The following THSD7A variants were observed in gnomAD, a reference collection of about 807,000 sequenced individuals.
THSD7A encodes the protein thrombospondin type-1 domain-containing protein 7A.
A neutral mutation model predicts 231.3 loss-of-function variants in THSD7A; 96 were observed. The ratio of observed to expected loss-of-function variants is 0.41; its 90% CI spans 0.35 to 0.49. The LOEUF (loss-of-function observed/expected upper bound fraction) is 0.49, where lower values mean the gene tolerates loss of function less well. THSD7A is among the 20% of genes least tolerant of loss of function. The pLI is 0.05. For missense variants in THSD7A, 2,290 were observed against 2,070.2 expected (o/e 1.11, Z -2.06); for synonymous variants, 940 against 743.3 (o/e 1.26, Z -4.30).
chr7:11,584,439 T>A (rs1449796262), intron 4 of THSD7A, among the ~76,000 whole-genome samples: 1 of 152,154 alleles, frequency 6.6e-6, no homozygotes, highest in African/African-American at 2.4e-5. Flanking sequence ...TTTCTACCTT[T>A]TTCCCCAAAC....
chr7:11,482,732 G>A (rs574108540), intron 6 of THSD7A, among the ~76,000 whole-genome samples: 1 of 152,284 alleles, frequency 6.6e-6, no homozygotes, highest in Non-Finnish European at 1.5e-5. Flanking sequence ...TGACCTCGCT[G>A]TGTTTCTCTT....
At chr7:11,824,957 T>C (rs1784981795) in intron 1 of THSD7A, among the ~76,000 whole-genome samples, 1 of 152,256 alleles carries the variant, frequency 6.6e-6, no homozygotes, top group South Asian at 2.1e-4. Flanking sequence ...TAACCCTAAA[T>C]TTGGTGCTCA....
intron 6 of THSD7A, among the ~76,000 whole-genome samples, chr7:11,490,794 C>T (rs1263367108): frequency 6.6e-6 from 1 of 152,022 alleles, no homozygotes; most frequent in Non-Finnish European, 1.5e-5. Flanking sequence ...TTCCCACTTA[C>T]CACTAATGTG....
At chr7:11,395,453 A>G (rs935104381) in intron 23 of THSD7A, among the ~76,000 whole-genome samples, 8 of 152,170 alleles carry the variant, frequency 5.3e-5, no homozygotes. Flanking sequence ...ACTTGAACTA[A>G]GCTGTGGACC....
intron 15 of THSD7A, among the ~76,000 whole-genome samples, chr7:11,425,062 C>G (rs1030046098): frequency 2.6e-5 from 4 of 152,126 alleles, no homozygotes; most frequent in Non-Finnish European, 5.9e-5. Flanking sequence ...TAAATCTGAT[C>G]CACTGGATCA....
intron 4 of THSD7A, among the ~76,000 whole-genome samples, chr7:11,580,932 A>AAAAATTT (rs1242344382): frequency 1.3e-5 from 2 of 152,166 alleles, no homozygotes; most frequent in African/African-American, 4.8e-5. Context: ...TTATATCTTC[A>AAAAATTT]ACATCTAAAT....
chr7:11,608,878 G>A (rs1780826042), intron 2 of THSD7A, among the ~76,000 whole-genome samples: 1 of 152,048 alleles, frequency 6.6e-6, no homozygotes. Context: ...TGCTGCACAT[G>A]TTTCCTATTT....
At chr7:11,807,456 G>A (rs1784427721) in intron 1 of THSD7A, among the ~76,000 whole-genome samples, 1 of 151,966 alleles carries the variant, frequency 6.6e-6, no homozygotes, top group Non-Finnish European at 1.5e-5. Context: ...GTAAAACCCT[G>A]CTTTCTTACA....
intron 2 of THSD7A, among the ~76,000 whole-genome samples, chr7:11,604,416 A>T (rs1287585076): frequency 2.6e-5 from 4 of 152,064 alleles, no homozygotes; most frequent in African/African-American, 7.2e-5. Flanking sequence ...GCAGAGGTCC[A>T]CTCTATCTAT....
chr7:11,527,199 T>C (rs773499225), intron 6 of THSD7A, among the ~76,000 whole-genome samples: 1 of 152,150 alleles, frequency 6.6e-6, no homozygotes, highest in Non-Finnish European at 1.5e-5. Flanking sequence ...AAAATTATTG[T>C]ATATAGTTCT....
chr7:11,796,638 T>C (rs1441097449), intron 1 of THSD7A, among the ~76,000 whole-genome samples: 8 of 152,020 alleles, frequency 5.3e-5, no homozygotes, highest in African/African-American at 1.9e-4. Flanking sequence ...GTATTTCACG[T>C]TTATTACTAT....
At chr7:11,402,594 C>G (rs1451592805) in intron 22 of THSD7A, among the ~76,000 whole-genome samples, 1 of 152,108 alleles carries the variant, frequency 6.6e-6, no homozygotes, top group Admixed American at 6.6e-5. Context: ...GATCACATAT[C>G]ATAGATGCAC....
At chr7:11,678,757 T>A (rs1344729144) in intron 1 of THSD7A, among the ~76,000 whole-genome samples, 1 of 152,158 alleles carries the variant, frequency 6.6e-6, no homozygotes, top group Non-Finnish European at 1.5e-5. Flanking sequence ...ACAGCCGAAT[T>A]CTACCAGAGG....
chr7:11,773,911 G>A (rs1016704546), intron 1 of THSD7A, among the ~76,000 whole-genome samples: 5 of 152,080 alleles, frequency 3.3e-5, no homozygotes, highest in African/African-American at 9.7e-5. Flanking sequence ...ATGGCATGAA[G>A]AGACAATTTA....
chr7:11,816,734 T>TA (rs140727732), intron 1 of THSD7A, among the ~76,000 whole-genome samples: 48,206 of 124,036 alleles, frequency 0.39, 8,026 homozygotes, highest in East Asian at 0.6. Context: ...AATATTTTAG[T>TA]GAAAAAAGTG....
chr7:11,774,487 T>TACAC lies in THSD7A; in HGVS notation c.190+57266_190+57269dup, dbSNP rs71830837. Among the ~76,000 whole-genome samples, 705 of 149,036 alleles carry TACAC rather than the reference T, an allele frequency of 4.7e-3. 2 individuals carry two copies. The highest frequency in any genetic ancestry group is 0.013 in the East Asian group (63 of 4,994). ...GGTTAGGTCTCATGTTAAGCATTCT[T>TACAC]ACACACACACACACACACACACACA... On this transcript the variant is annotated intron_variant, in intron 1 of 27. Transcript: ENST00000423059.
At chr7:11,641,074 A>G (rs1190580017) in intron 1 of THSD7A, among the ~76,000 whole-genome samples, 2 of 152,136 alleles carry the variant, frequency 1.3e-5, no homozygotes, top group Non-Finnish European at 2.9e-5. Flanking sequence ...GACATATAGA[A>G]ATATTGACAA....
intron 13 of THSD7A, among the ~76,000 whole-genome samples, chr7:11,430,652 T>A (rs1562603714): frequency 6.7e-6 from 1 of 149,908 alleles, no homozygotes; most frequent in African/African-American, 2.5e-5. Context: ...ATATATATAT[T>A]TTATAGAGAT....
At chr7:11,789,016 T>C (rs1247326644) in intron 1 of THSD7A, among the ~76,000 whole-genome samples, 1 of 151,904 alleles carries the variant, frequency 6.6e-6, no homozygotes, top group Non-Finnish European at 1.5e-5. Context: ...AGTGAAGTGA[T>C]TGACAGGAAT....
Sources: allele counts gnomAD v4.1 joint callset (sites outside exome capture counted in the v4.1 genomes callset), GRCh38; gene constraint gnomAD v4.1.1; transcripts MANE v1.5; gene names NCBI Gene and HGNC (gene_info 2026-07-23, HGNC 2026-07-21).